The following RABL3 variants were observed in gnomAD, a reference collection of about 807,000 sequenced individuals.
RABL3 encodes RAB, member of RAS oncogene family like 3.
A neutral mutation model predicts 31.8 loss-of-function variants in RABL3; 31 were observed. That is an observed-to-expected ratio of 0.97 (90% CI 0.73 to 1.31). RABL3 has a LOEUF of 1.31. Ranked by LOEUF, RABL3 falls within the 40% of genes most tolerant of loss-of-function variation. The probability of loss-of-function intolerance (pLI) is 0.00; values close to 1 mark genes in which losing one functional copy is unlikely to be tolerated. For synonymous variants in RABL3, 97 were observed against 99.9 expected, an observed-to-expected ratio of 0.97 and a Z score of 0.18; for missense variants, 263 against 279.6, an observed-to-expected ratio of 0.94 and a Z score of 0.42.
At chr3:120,732,317 C>T (rs566203291) in intron 1 of RABL3, among the ~76,000 whole-genome samples, 4 of 152,210 alleles carry the variant, frequency 2.6e-5, no homozygotes, top group African/African-American at 9.6e-5. Context: ...TTTCTGAACC[C>T]ACATAGGGAG....
chr3:120,703,536 C>A (rs915480370), intron 4 of RABL3, among the ~76,000 whole-genome samples: 1 of 151,274 alleles, frequency 6.6e-6, no homozygotes, highest in Non-Finnish European at 1.5e-5. Flanking sequence ...ACAAAATAAA[C>A]CAAAAGCAAG....
chr3:120,722,268 G>A (rs1002155745), intron 2 of RABL3: 1 of 152,040 alleles, frequency 6.6e-6, no homozygotes, highest in African/African-American at 2.4e-5. Flanking sequence ...TTATGTGGCT[G>A]CCCTCCACCC....
chr3:120,705,967 C>T, intron 4 of RABL3, 33 bp downstream of exon 4: 1 of 1,252,262 alleles, frequency 8.0e-7, no homozygotes, highest in Non-Finnish European at 1.2e-6. Context: ...GTGATTGCTA[C>T]AATCTTTCAA....
chr3:120,712,911 C>G (rs951359676), intron 2 of RABL3, among the ~76,000 whole-genome samples: 1 of 151,926 alleles, frequency 6.6e-6, no homozygotes, highest in Non-Finnish European at 1.5e-5. Flanking sequence ...TTAAAAAATA[C>G]AGATTCCTGG....
At chr3:120,707,149 G>A (rs1223338021) in intron 3 of RABL3, among the ~76,000 whole-genome samples, 1 of 152,102 alleles carries the variant, frequency 6.6e-6, no homozygotes, top group Non-Finnish European at 1.5e-5. Flanking sequence ...AAGCAGAAGA[G>A]GTAGAATTAG....
At chr3:120,727,054 A>T (rs1037862810) in intron 2 of RABL3, among the ~76,000 whole-genome samples, 1 of 152,142 alleles carries the variant, frequency 6.6e-6, no homozygotes, top group Non-Finnish European at 1.5e-5. Context: ...GAAATTTTAG[A>T]GTCTTAGAGC....
chr3:120,692,198 CT>C (rs200177852), intron 6 of RABL3, among the ~76,000 whole-genome samples: 3 of 149,560 alleles, frequency 2.0e-5, no homozygotes, highest in South Asian at 2.1e-4. Context: ...GAGAAGAAAT[CT>C]TTTTTTTTTG....
intron 2 of RABL3, among the ~76,000 whole-genome samples, chr3:120,715,269 T>C (rs1325901968): frequency 1.3e-5 from 2 of 152,238 alleles, no homozygotes; most frequent in East Asian, 3.8e-4. Flanking sequence ...CCAGGTGTGG[T>C]GGCTCATGCC....
At chr3:120,696,662 T>C (rs539869240) in intron 5 of RABL3, among the ~76,000 whole-genome samples, 17 of 151,854 alleles carry the variant, frequency 1.1e-4, no homozygotes, top group Non-Finnish European at 2.1e-4. Context: ...CCACAGGCAC[T>C]AGAAACAGAT....
chr3:120,733,790 CAG>C (rs1156451679), intron 1 of RABL3, among the ~76,000 whole-genome samples: 1 of 152,158 alleles, frequency 6.6e-6, no homozygotes, highest in African/African-American at 2.4e-5. Context: ...CCAGTTTTCC[CAG>C]CACCACTTAT....
chr3:120,712,969 T>A (rs998498376), intron 2 of RABL3, among the ~76,000 whole-genome samples: 1 of 152,152 alleles, frequency 6.6e-6, no homozygotes, highest in Non-Finnish European at 1.5e-5. Context: ...TGTATTTTTT[T>A]TTTTTAAAGT....
intron 1 of RABL3, among the ~76,000 whole-genome samples, chr3:120,737,025 G>C (rs1264467116): frequency 6.6e-6 from 1 of 152,210 alleles, no homozygotes; most frequent in Non-Finnish European, 1.5e-5. Flanking sequence ...CTCTTGAGGA[G>C]TATCTTTGTG....
At chr3:120,716,982 G>C (rs995883368) in intron 2 of RABL3, among the ~76,000 whole-genome samples, 1 of 152,188 alleles carries the variant, frequency 6.6e-6, no homozygotes, top group Non-Finnish European at 1.5e-5. Context: ...GCCAGGCATG[G>C]TGGCTCACTC....
chr3:120,730,927 C>T, intron 1 of RABL3, 140 bp from the exon 2 acceptor site: 1 of 649,308 alleles, frequency 1.5e-6, no homozygotes, highest in Non-Finnish European at 2.7e-6. Context: ...ATAAGCTTCA[C>T]TGAATAAAAT....
chr3:120,701,064 G>T (rs1237096225), intron 4 of RABL3, among the ~76,000 whole-genome samples: 1 of 151,814 alleles, frequency 6.6e-6, no homozygotes, highest in Non-Finnish European at 1.5e-5. Flanking sequence ...ATTTTTATTA[G>T]TTTCTTATTT....
At chr3:120,707,873 G>C (rs1708568850) in intron 3 of RABL3, among the ~76,000 whole-genome samples, 1 of 152,014 alleles carries the variant, frequency 6.6e-6, no homozygotes, top group Non-Finnish European at 1.5e-5. Context: ...TTGCTTTGTA[G>C]AACATGTGCT....
chr3:120,706,789 C>T (rs994851969), intron 3 of RABL3, among the ~76,000 whole-genome samples: 1 of 151,828 alleles, frequency 6.6e-6, no homozygotes, highest in Non-Finnish European at 1.5e-5. Context: ...GTGGGTGAGA[C>T]ATTAAATAGT....
At position 120,723,426 on chromosome 3, in the gene RABL3, G is replaced by A. The variant is rs556587880; in HGVS notation, c.138+7270C>T. Among the ~76,000 whole-genome samples, 20 of 152,274 alleles carry A rather than the reference G, an allele frequency of 1.3e-4. No individual in the cohort carries two copies. The South Asian group carries it at 3.3e-3, about 25-fold the overall frequency. On this transcript the variant is annotated intron_variant, in intron 2 of 7. Coordinates refer to ENST00000273375, the MANE Select transcript of RABL3 (RefSeq NM_173825.5). ...CTATTCCAATCAATAGAAAAAGGGG[G>A]AATCCTCCCTAACTCATTTTATGAG... is the stretch of plus-strand genomic sequence containing the variant.
chr3:120,737,414 A>G (rs1005618849), intron 1 of RABL3, among the ~76,000 whole-genome samples: 10 of 152,226 alleles, frequency 6.6e-5, no homozygotes, highest in South Asian at 2.1e-4. Flanking sequence ...TATTCTAGTT[A>G]GCCATTCAGC....
Sources: allele counts gnomAD v4.1 joint callset (sites outside exome capture counted in the v4.1 genomes callset), GRCh38; gene constraint gnomAD v4.1.1; transcripts MANE v1.5; gene names NCBI Gene and HGNC (gene_info 2026-07-23, HGNC 2026-07-21).